The following ACO1 variants were observed in gnomAD, a reference collection of about 807,000 sequenced individuals.
ACO1 encodes cytoplasmic aconitate hydratase.
ACO1 carries 78 observed loss-of-function variants against 105.1 expected under a neutral mutation model. That is an observed-to-expected ratio of 0.74 (90% CI 0.62 to 0.90). The LOEUF is 0.90. Ranked by LOEUF, ACO1 falls within the 40% of genes least tolerant of loss-of-function variation. The probability of loss-of-function intolerance (pLI) is 0.00; values close to 1 mark genes in which losing one functional copy is unlikely to be tolerated. For synonymous variants in ACO1, 364 were observed against 397.4 expected (o/e 0.92, Z 1.00); for missense variants, 965 against 1,111.1 (o/e 0.87, Z 1.87).
intron 7 of ACO1, 103 bp downstream of exon 7, chr9:32,419,280 G>C: frequency 1.6e-6 from 2 of 1,262,442 alleles, no homozygotes; most frequent in Non-Finnish European, 2.1e-6. Context: ...AAGTGCTCTA[G>C]CAATGCAAGG....
At chr9:32,448,207 T>A (rs1822665296) in intron 19 of ACO1, among the ~76,000 whole-genome samples, 1 of 152,190 alleles carries the variant, frequency 6.6e-6, no homozygotes, top group Non-Finnish European at 1.5e-5. Context: ...AGTACCTGAC[T>A]GGGGCTGCTG....
chr9:32,391,977 T>C (rs1170239185), intron 1 of ACO1, among the ~76,000 whole-genome samples: 1 of 152,174 alleles, frequency 6.6e-6, no homozygotes, highest in Admixed American at 6.5e-5. Context: ...AGATAAGAAA[T>C]CAGTCTAAGT....
intron 15 of ACO1, among the ~76,000 whole-genome samples, chr9:32,433,078 A>G (rs998279910): frequency 5.9e-5 from 9 of 152,204 alleles, no homozygotes; most frequent in Non-Finnish European, 1.0e-4. Flanking sequence ...GCAAGAGAGC[A>G]AGAGAGTCAG....
At position 32,423,204 on chromosome 9, in the gene ACO1, G is replaced by T. The variant is rs1822013223; in HGVS notation, c.971-115G>T. 10 of 569,024 alleles carry T rather than the reference G, an allele frequency of 1.8e-5. No homozygotes were observed. The South Asian group carries it at 2.2e-4, about 13-fold the overall frequency. 35.2% of individuals were successfully genotyped at this position (569,024 alleles called of 1,614,324 possible). Reference sequence around the variant, plus strand: ...AATTGACAGAGCTGTTGGTGTGTGTGTAAGTGCAGCGTATGTTGCGTACTT... The same window carrying T: ...AATTGACAGAGCTGTTGGTGTGTGTTTAAGTGCAGCGTATGTTGCGTACTT... On this transcript the variant is annotated intron_variant, in intron 8 of 20. Coordinates refer to ENST00000309951, the MANE Select transcript of ACO1 (RefSeq NM_002197.3).
At chr9:32,445,081 G>T (rs984022072) in intron 19 of ACO1, among the ~76,000 whole-genome samples, 3 of 151,988 alleles carry the variant, frequency 2.0e-5, no homozygotes, top group Non-Finnish European at 4.4e-5. Flanking sequence ...ATTTTTTTTG[G>T]TTGTGTCTCT....
chr9:32,419,764 T>C (rs1821929133), intron 7 of ACO1, among the ~76,000 whole-genome samples: 2 of 152,248 alleles, frequency 1.3e-5, no homozygotes, highest in Non-Finnish European at 2.9e-5. Context: ...GTCACCAAGC[T>C]GGAAAGTATT....
At chr9:32,445,501 C>A in intron 19 of ACO1, 1 of 187,612 alleles carries the variant, frequency 5.3e-6, no homozygotes, top group South Asian at 6.4e-5. Flanking sequence ...ATTCTTCTCT[C>A]TTTCCTTCTT....
At chr9:32,407,225 A>G (rs1821631212) in intron 2 of ACO1, 36 bp from the exon 3 acceptor site, 1 of 1,607,086 alleles carries the variant, frequency 6.2e-7, no homozygotes, top group African/African-American at 1.3e-5. Flanking sequence ...AAGTTGTCTC[A>G]CAGGTTTTGT....
In ACO1 at chr9:32,449,065, T is replaced by C. The variant is rs748793228; in HGVS notation, c.2540T>C (p.Met847Thr). 6.2e-7 allele frequency: 1 copy of C among 1,607,074 alleles called. No homozygotes were observed. The highest frequency in any genetic ancestry group is 8.5e-7 in the Non-Finnish European group (1 of 1,175,340). ...ATTCCAGAAAACCTCAAACCACAAA[T>C]GAAAGTCCAGGTCAAGGTAAGCTGG... Reference protein sequence around the residue: ...IIIPENLKPQMKVQVKLDTGK... With the variant: ...IIIPENLKPQTKVQVKLDTGK... The change falls in exon 20 of 21, where the codon ATG becomes ACG. Residue 847 changes from methionine to threonine, a missense_variant. By Grantham distance (81) the Met-to-Thr change is moderately conservative. Coordinates refer to ENST00000309951, the MANE Select transcript of ACO1 (RefSeq NM_002197.3).
At chr9:32,441,125 C>G (rs888624171) in intron 19 of ACO1, among the ~76,000 whole-genome samples, 1 of 152,208 alleles carries the variant, frequency 6.6e-6, no homozygotes, top group South Asian at 2.1e-4. Flanking sequence ...TTGCACTTCA[C>G]TGCCTATGAA....
rs1822842253 is a variant in ACO1, at chr9:32,454,741, A to T, written c.*4630A>T. On this transcript the variant is annotated 3_prime_UTR_variant, in exon 21 of 21. Transcript: ENST00000309951. The stretch of plus-strand genomic sequence containing the variant: ...GTTTGAGTCCATGCCTGGCAATGAC[A>T]TTATTCCATTAAAAGTCAAACAAGG... The T allele has an allele frequency of 6.6e-6, 1 of 152,172 alleles. No homozygotes were observed. Among genetic ancestry groups the T allele is most frequent in the African/African-American group, 2.4e-5 (1 of 41,420 alleles). 9.4% of individuals were successfully genotyped at this position (152,172 alleles called of 1,614,324 possible).
At chr9:32,432,964 CT>C (rs1225378591) in intron 15 of ACO1, among the ~76,000 whole-genome samples, 8 of 152,094 alleles carry the variant, frequency 5.3e-5, no homozygotes, top group Non-Finnish European at 1.2e-4. Context: ...GGCTGTTGCA[CT>C]GAGGTCCTCC....
chr9:32,427,175 T>G, intron 11 of ACO1, 126 bp from the exon 12 acceptor site: 1 of 1,212,534 alleles, frequency 8.2e-7, no homozygotes, highest in South Asian at 1.6e-5. Context: ...AGCGCCAACA[T>G]GAAGGGAGCG....
In ACO1 at chr9:32,453,599, A is replaced by G. The variant is rs1268247011; in HGVS notation, c.*3488A>G. On this transcript the variant is annotated 3_prime_UTR_variant, in exon 21 of 21. Coordinates refer to ENST00000309951, the MANE Select transcript of ACO1 (RefSeq NM_002197.3). ...AACCATTAGTAATTTGTGATCGTAG[A>G]GATTTGTCTCCCAGTATTCCCTAGG... 1 of 152,202 alleles carries G rather than the reference A, an allele frequency of 6.6e-6. No homozygotes were observed. The highest frequency in any genetic ancestry group is 1.5e-5 in the Non-Finnish European group (1 of 68,040). The allele number at this position is 152,202 out of a possible 1,614,324, so 9.4% of individuals were successfully genotyped here.
chr9:32,441,216 G>T (rs1364261199), intron 19 of ACO1, among the ~76,000 whole-genome samples: 1 of 152,070 alleles, frequency 6.6e-6, no homozygotes, highest in Non-Finnish European at 1.5e-5. Flanking sequence ...CCGCCATCTC[G>T]GGGCTCTACC....
At position 32,431,727 on chromosome 9, in the gene ACO1, G is replaced by A. The variant is rs1265960040; in HGVS notation, c.1735G>A (p.Ala579Thr). 1 of 1,614,086 alleles carries A rather than the reference G, an allele frequency of 6.2e-7. No individual in the cohort carries two copies. Among genetic ancestry groups the A allele is most frequent in the Admixed American group, 1.7e-5 (1 of 60,012 alleles). ...AAACATTTTTTCCCCAGGAGTAAAT[G>A]CAAAGGGACAGCAGGTATTTCTGAA... ...DFEKEPLGVN[A>T]KGQQVFLKDI... The change falls in exon 15 of 21, where the codon GCA (alanine) becomes ACA (threonine). Residue 579 changes from alanine (A) to threonine (T), a missense_variant. Transcript: ENST00000309951.
chr9:32,414,664 C>T (rs1257390082), intron 4 of ACO1, among the ~76,000 whole-genome samples: 1 of 152,120 alleles, frequency 6.6e-6, no homozygotes, highest in Non-Finnish European at 1.5e-5. Context: ...TGCCATCCTC[C>T]TGGTGCTGGA....
chr9:32,404,065 T>G (rs1460089673), intron 1 of ACO1, among the ~76,000 whole-genome samples: 1 of 152,096 alleles, frequency 6.6e-6, no homozygotes, highest in Non-Finnish European at 1.5e-5. Flanking sequence ...GCTAGCAGGT[T>G]TCTTATTTAT....
Position 32,418,177 on chromosome 9 carries a change from G to T in ACO1, c.454G>T (p.Glu152Ter). ...AGACCTGGAATTTGAAAGAAATAGA[G>T]AGCGATTTGAATTTTTAAAGGTATG... ...NQDLEFERNRERFEFLKWGSQ... is the reference protein window; with the variant it reads ...NQDLEFERNR The change falls in exon 5 of 21, where the codon GAG (glutamate) becomes TAG (stop). Residue 152 changes from glutamate to a stop codon, truncating the protein, a stop_gained. Coordinates refer to ENST00000309951, the MANE Select transcript of ACO1 (RefSeq NM_002197.3). LOFTEE classifies it high-confidence loss of function. The T allele has an allele frequency of 6.2e-7, 1 of 1,614,156 alleles. No homozygotes were observed. Among genetic ancestry groups the T allele is most frequent in the Non-Finnish European group, 8.5e-7 (1 of 1,180,022 alleles).
Sources: gnomAD v4.1 joint callset for allele counts (sites outside exome capture counted in the v4.1 genomes callset) on GRCh38, gnomAD v4.1.1 for gene constraint, MANE v1.5 for transcripts, NCBI Gene and HGNC (gene_info 2026-07-23, HGNC 2026-07-21) for gene names.